Variants in PPARGC1A observed in about 807,000 individuals in gnomAD.
PPARGC1A encodes the protein PPARG coactivator 1 alpha, also known as peroxisome proliferator-activated receptor gamma coactivator 1-alpha.
A neutral mutation model predicts 88.7 loss-of-function variants in PPARGC1A; 25 were observed. That is an observed-to-expected ratio of 0.28 (90% CI 0.21 to 0.39). PPARGC1A has a LOEUF of 0.39. Among genes scored for constraint, PPARGC1A ranks in the 10% least tolerant of loss-of-function variants. PPARGC1A has a pLI of 1.00. For synonymous variants in PPARGC1A, 363 were observed against 355.6 expected, an observed-to-expected ratio of 1.02 and a Z score of -0.24; for missense variants, 880 against 968.7, an observed-to-expected ratio of 0.91 and a Z score of 1.22.
chr4:23,831,133 T>C (rs928496087), intron 3 of PPARGC1A, among the ~76,000 whole-genome samples: 28 of 152,202 alleles, frequency 1.8e-4, no homozygotes, highest in African/African-American at 6.5e-4. Context: ...TATGCAACCA[T>C]TAAAAATTAT....
the PPARGC1A span, among the ~76,000 whole-genome samples, chr4:23,922,077 G>C: frequency 6.6e-6 from 1 of 152,224 alleles, no homozygotes; most frequent in Non-Finnish European, 1.5e-5. Flanking sequence ...CAGATAATCA[G>C]AGATGGATTT....
At chr4:24,201,152 C>G in the PPARGC1A span, among the ~76,000 whole-genome samples, 1 of 152,218 alleles carries the variant, frequency 6.6e-6, no homozygotes, top group Non-Finnish European at 1.5e-5. Flanking sequence ...AAAACTACAT[C>G]ACCATAATGC....
chr4:24,048,344 T>C, the PPARGC1A span, among the ~76,000 whole-genome samples: 3 of 152,300 alleles, frequency 2.0e-5, no homozygotes, highest in East Asian at 1.9e-4. Context: ...CTGACAACAG[T>C]TGACATTTTT....
At chr4:24,009,148 A>G in the PPARGC1A span, among the ~76,000 whole-genome samples, 6 of 43,860 alleles carry the variant, frequency 1.4e-4, no homozygotes, top group Non-Finnish European at 4.5e-4. Flanking sequence ...AAAAAAAAAA[A>G]AAAGAGAGAG....
At chr4:24,463,443 C>T in the PPARGC1A span, among the ~76,000 whole-genome samples, 94 of 152,262 alleles carry the variant, frequency 6.2e-4, no homozygotes, top group Non-Finnish European at 1.2e-3. Flanking sequence ...TCCCTGGGGA[C>T]ATTTAAATGG....
intron 2 of PPARGC1A, among the ~76,000 whole-genome samples, chr4:23,859,801 A>G (rs954059530): frequency 3.9e-5 from 1 of 25,630 alleles, no homozygotes; most frequent in Admixed American, 4.3e-4. Context: ...AAAATAAAAT[A>G]AAATAAAATA....
intron 7 of PPARGC1A, among the ~76,000 whole-genome samples, chr4:23,819,462 T>C (rs1722585026): frequency 6.6e-6 from 1 of 152,134 alleles, no homozygotes; most frequent in African/African-American, 2.4e-5. Flanking sequence ...CTCTTGCTCA[T>C]GGAAGATGAA....
At chr4:23,832,618 T>C (rs571517786) in intron 2 of PPARGC1A, among the ~76,000 whole-genome samples, 10 of 145,176 alleles carry the variant, frequency 6.9e-5, no homozygotes, top group East Asian at 3.9e-4. Flanking sequence ...TTTTCTTTTT[T>C]TTTTTTTTTG....
rs766767569 is a variant in PPARGC1A, at chr4:23,889,857, G to A, written c.54+47C>T. On this transcript the variant is annotated intron_variant, in intron 1 of 12. Coordinates refer to ENST00000264867, the MANE Select transcript of PPARGC1A (RefSeq NM_013261.5). ...CCCTTACAGGAATAATAGCATCTGAGGGAAGCGTCAGTTGTGGCTGCAGCG... is the reference window on the plus strand; with the variant it reads ...CCCTTACAGGAATAATAGCATCTGAAGGAAGCGTCAGTTGTGGCTGCAGCG... 1.3e-5 allele frequency: 21 copies of A among 1,601,508 alleles called. No individual in the cohort carries two copies. In the South Asian group the frequency reaches 2.4e-4, roughly 18 times the overall value.
chr4:23,853,617 T>C (rs1729693452), intron 2 of PPARGC1A, among the ~76,000 whole-genome samples: 1 of 152,162 alleles, frequency 6.6e-6, no homozygotes, highest in Admixed American at 6.5e-5. Context: ...TTGCTGTACC[T>C]GAAATAAACC....
chr4:23,952,786 A>G, the PPARGC1A span, among the ~76,000 whole-genome samples: 2 of 152,072 alleles, frequency 1.3e-5, no homozygotes, highest in Non-Finnish European at 2.9e-5. Context: ...CCACTCAGCT[A>G]AAGACTTTCA....
the PPARGC1A span, among the ~76,000 whole-genome samples, chr4:24,366,802 T>C: frequency 6.6e-6 from 1 of 152,190 alleles, no homozygotes; most frequent in South Asian, 2.1e-4. Flanking sequence ...GAGGTTCCCA[T>C]TGATAAAACG....
chr4:23,966,846 A>T, the PPARGC1A span, among the ~76,000 whole-genome samples: 7,626 of 152,256 alleles, frequency 0.05, 276 homozygotes, highest in East Asian at 0.15. Flanking sequence ...CTGCAGGTTC[A>T]ACATTCAGAG....
the PPARGC1A span, among the ~76,000 whole-genome samples, chr4:24,301,707 TTGAC>T: frequency 6.6e-6 from 1 of 152,148 alleles, no homozygotes. Flanking sequence ...TTATTTTTAA[TTGAC>T]TAACAATCAT....
chr4:24,122,436 T>TATATAG, the PPARGC1A span, among the ~76,000 whole-genome samples: 47 of 124,310 alleles, frequency 3.8e-4, 1 homozygote, highest in Non-Finnish European at 5.3e-4. Flanking sequence ...TATATATATA[T>TATATAG]AGAGAGAGAG....
At chr4:24,021,752 A>C in the PPARGC1A span, among the ~76,000 whole-genome samples, 4 of 152,334 alleles carry the variant, frequency 2.6e-5, no homozygotes, top group Non-Finnish European at 4.4e-5. Context: ...AAGATTAAAC[A>C]AGGCAATACA....
the PPARGC1A span, among the ~76,000 whole-genome samples, chr4:24,048,012 G>C: frequency 6.6e-6 from 1 of 152,116 alleles, no homozygotes; most frequent in African/African-American, 2.4e-5. Flanking sequence ...ACTATACTAA[G>C]CATGTCTTTT....
At chr4:24,406,312 G>T in the PPARGC1A span, among the ~76,000 whole-genome samples, 1 of 152,188 alleles carries the variant, frequency 6.6e-6, no homozygotes. Flanking sequence ...ACCCCCAAGT[G>T]AATCCTATCT....
At chr4:24,378,714 C>G in the PPARGC1A span, among the ~76,000 whole-genome samples, 2 of 151,972 alleles carry the variant, frequency 1.3e-5, no homozygotes, top group Non-Finnish European at 2.9e-5. Flanking sequence ...GTGATTTTGC[C>G]CTTACATAAT....
Sources: gnomAD v4.1 joint callset for allele counts (sites outside exome capture counted in the v4.1 genomes callset) on GRCh38, gnomAD v4.1.1 for gene constraint, MANE v1.5 for transcripts, NCBI Gene and HGNC (gene_info 2026-07-23, HGNC 2026-07-21) for gene names.